SLCO6A1: variants seen among roughly 807,000 people sequenced by gnomAD.
The protein encoded by SLCO6A1 is cancer/testis antigen 48.
In SLCO6A1, 65 loss-of-function variants were observed where a neutral mutation model predicts 72.7. The observed-to-expected ratio is 0.89, with a 90% CI of 0.73 to 1.10. The LOEUF is 1.10. Ranked by LOEUF, SLCO6A1 falls within the 50% of genes least tolerant of loss-of-function variation. The probability of loss-of-function intolerance (pLI) is 0.00; values close to 1 mark genes in which losing one functional copy is unlikely to be tolerated. For missense variants in SLCO6A1, 874 were observed against 872.6 expected, an observed-to-expected ratio of 1.00 and a Z score of -0.02; for synonymous variants, 314 against 298.2, an observed-to-expected ratio of 1.05 and a Z score of -0.55.
At chr5:102,469,311 A>C (rs1258675296) in intron 4 of SLCO6A1, among the ~76,000 whole-genome samples, 3 of 152,040 alleles carry the variant, frequency 2.0e-5, no homozygotes, top group African/African-American at 7.3e-5. Flanking sequence ...ATATTCTTCC[A>C]TTTGTTTGTG....
At chr5:102,450,861 G>C (rs1750378067) in intron 6 of SLCO6A1, among the ~76,000 whole-genome samples, 1 of 152,194 alleles carries the variant, frequency 6.6e-6, no homozygotes, top group Non-Finnish European at 1.5e-5. Context: ...GGGCAGCCAT[G>C]GCATGCTGGA....
At chr5:102,391,165 A>C in intron 10 of SLCO6A1, 120 bp from the exon 11 acceptor site, 1 of 916,806 alleles carries the variant, frequency 1.1e-6, no homozygotes, top group Non-Finnish European at 1.7e-6. Flanking sequence ...AAGAATCTTT[A>C]GCCAATTGAC....
At chr5:102,397,578 A>T (rs1747159346) in intron 10 of SLCO6A1, among the ~76,000 whole-genome samples, 1 of 151,996 alleles carries the variant, frequency 6.6e-6, no homozygotes, top group Admixed American at 6.6e-5. Context: ...GAAATTTTCA[A>T]GCCTCCTTCT....
chr5:102,406,050 T>A (rs559808709), intron 9 of SLCO6A1, among the ~76,000 whole-genome samples: 1 of 151,862 alleles, frequency 6.6e-6, no homozygotes, highest in Non-Finnish European at 1.5e-5. Context: ...TAAAACAAAA[T>A]GTCAAGGTAT....
chr5:102,414,318 G>A (rs1361079095), intron 8 of SLCO6A1, among the ~76,000 whole-genome samples: 1 of 151,710 alleles, frequency 6.6e-6, no homozygotes, highest in African/African-American at 2.4e-5. Flanking sequence ...TAAAATTATT[G>A]GAGCAAGACA....
At chr5:102,398,628 C>T (rs1415723034) in intron 10 of SLCO6A1, among the ~76,000 whole-genome samples, 3 of 152,114 alleles carry the variant, frequency 2.0e-5, no homozygotes, top group South Asian at 2.1e-4. Flanking sequence ...CAGGTGTGTA[C>T]ACAGAATAGC....
chr5:102,473,001 G>A (rs1751705764), intron 4 of SLCO6A1, among the ~76,000 whole-genome samples: 2 of 151,950 alleles, frequency 1.3e-5, no homozygotes, highest in Admixed American at 1.3e-4. Flanking sequence ...CCTCCCAACA[G>A]AGGAAAGCCT....
chr5:102,470,177 A>G (rs1751531184), intron 4 of SLCO6A1, among the ~76,000 whole-genome samples: 2 of 152,144 alleles, frequency 1.3e-5, no homozygotes, highest in Admixed American at 1.3e-4. Flanking sequence ...GCCTCATAAA[A>G]TGAGTTAGAG....
intron 10 of SLCO6A1, among the ~76,000 whole-genome samples, chr5:102,395,603 A>G (rs6883054): frequency 0.65 from 97,834 of 151,664 alleles, 31,763 homozygotes; most frequent in African/African-American, 0.66. Flanking sequence ...CTAGATCCCT[A>G]AGGAATCGCC....
chr5:102,394,692 A>T (rs1451223657), intron 10 of SLCO6A1, among the ~76,000 whole-genome samples: 2 of 152,148 alleles, frequency 1.3e-5, no homozygotes, highest in East Asian at 3.9e-4. Context: ...TTAAGAATAT[A>T]TTGTTACATT....
intron 2 of SLCO6A1, among the ~76,000 whole-genome samples, chr5:102,479,227 G>T (rs79294300): frequency 0.017 from 2,602 of 152,162 alleles, 35 homozygotes; most frequent in African/African-American, 0.033. Context: ...CACTCCCCAC[G>T]TTGCTCACTC....
intron 4 of SLCO6A1, among the ~76,000 whole-genome samples, chr5:102,465,563 G>A (rs938405308): frequency 3.3e-5 from 5 of 151,896 alleles, no homozygotes; most frequent in East Asian, 1.9e-4. Flanking sequence ...TGAGAGAAAC[G>A]CATTATGTCT....
intron 4 of SLCO6A1, among the ~76,000 whole-genome samples, chr5:102,470,499 G>A (rs942043983): frequency 2.0e-5 from 3 of 152,074 alleles, no homozygotes; most frequent in Non-Finnish European, 4.4e-5. Flanking sequence ...TGGGATCAGT[G>A]GTGATATCCC....
chr5:102,412,285 C>A (rs1337326225), intron 9 of SLCO6A1, among the ~76,000 whole-genome samples: 1 of 152,136 alleles, frequency 6.6e-6, no homozygotes, highest in Non-Finnish European at 1.5e-5. Context: ...ACTGTGACCA[C>A]CTTGAGCACA....
At chr5:102,386,479 G>A (rs1045346199) in intron 12 of SLCO6A1, among the ~76,000 whole-genome samples, 13 of 152,178 alleles carry the variant, frequency 8.5e-5, no homozygotes, top group East Asian at 1.9e-4. Flanking sequence ...TGGACCTTAC[G>A]TCCATTGGAA....
chr5:102,430,895 TAG>T (rs1290877160), intron 7 of SLCO6A1, among the ~76,000 whole-genome samples: 2 of 152,156 alleles, frequency 1.3e-5, no homozygotes, highest in African/African-American at 2.4e-5. Context: ...GTACATTTGG[TAG>T]AGTTTGACTG....
At chr5:102,433,960 A>G (rs1013413792) in intron 7 of SLCO6A1, among the ~76,000 whole-genome samples, 2 of 151,988 alleles carry the variant, frequency 1.3e-5, no homozygotes, top group Non-Finnish European at 2.9e-5. Flanking sequence ...TTTGGTTAGC[A>G]TTTGTATCTT....
intron 6 of SLCO6A1, among the ~76,000 whole-genome samples, chr5:102,444,287 T>C (rs1203433548): frequency 1.3e-5 from 2 of 152,140 alleles, no homozygotes; most frequent in Non-Finnish European, 2.9e-5. Flanking sequence ...GTGGGACATA[T>C]AGTGTCCCAA....
intron 11 of SLCO6A1, among the ~76,000 whole-genome samples, chr5:102,389,479 A>T (rs965836254): frequency 2.2e-5 from 2 of 90,318 alleles, no homozygotes; most frequent in African/African-American, 8.8e-5. Context: ...GTTGCCCCCA[A>T]ACACACCAGA....
Sources: gnomAD v4.1 joint callset for allele counts (sites outside exome capture counted in the v4.1 genomes callset) on GRCh38, gnomAD v4.1.1 for gene constraint, MANE v1.5 for transcripts, NCBI Gene and HGNC (gene_info 2026-07-23, HGNC 2026-07-21) for gene names.